ALCAM: variants seen among roughly 807,000 people sequenced by gnomAD.
The protein encoded by ALCAM is activated leukocyte cell adhesion molecule, also known as CD166 antigen.
A neutral mutation model predicts 70.9 loss-of-function variants in ALCAM; 30 were observed. The ratio of observed to expected loss-of-function variants is 0.42; its 90% CI spans 0.32 to 0.57. The LOEUF (loss-of-function observed/expected upper bound fraction) is 0.57, where lower values mean the gene tolerates loss of function less well. Among genes scored for constraint, ALCAM ranks in the 20% least tolerant of loss-of-function variants. The pLI is 0.11. For missense variants in ALCAM, 591 were observed against 695.1 expected, an observed-to-expected ratio of 0.85 and a Z score of 1.68; for synonymous variants, 249 against 242.5, an observed-to-expected ratio of 1.03 and a Z score of -0.25.
rs1404709106 is a variant in ALCAM at position 105,541,675 on chromosome 3, A to T, written c.901A>T (p.Thr301Ser). The change falls in exon 8 of 16, where the codon ACG becomes TCG. Residue 301 changes from threonine to serine, a missense_variant. By Grantham distance (58) the Thr-to-Ser change is moderately conservative. Around this residue, in one of 2 missense-constraint regions of ALCAM, gnomAD observed 427 missense variants for 450.4 expected, o/e 0.95. Transcript: ENST00000306107. ...GIRSSNTYTL[T>S]DVRRNATGDY... ...AAGAAGCTCAAATACTTACACACTG[A>T]CGGATGTGAGGCGCAATGCAACAGG... 12 of 1,612,042 alleles carry T rather than the reference A, an allele frequency of 7.4e-6. No homozygotes were observed. The highest frequency in any genetic ancestry group is 2.7e-5 in the African/African-American group (2 of 74,748).
intron 1 of ALCAM, among the ~76,000 whole-genome samples, chr3:105,389,685 T>C (rs964654037): frequency 6.6e-6 from 1 of 151,496 alleles, no homozygotes; most frequent in South Asian, 2.1e-4. Flanking sequence ...CAACACATCA[T>C]CTAGGTATTA....
intron 1 of ALCAM, among the ~76,000 whole-genome samples, chr3:105,466,789 G>T (rs942299662): frequency 6.6e-6 from 1 of 151,332 alleles, no homozygotes; most frequent in Non-Finnish European, 1.5e-5. Context: ...AGCTTCTAAT[G>T]CTAGAAGCCT....
chr3:105,518,597 T>C (rs1939444476), intron 1 of ALCAM, among the ~76,000 whole-genome samples: 1 of 151,996 alleles, frequency 6.6e-6, no homozygotes, highest in Admixed American at 6.6e-5. Context: ...TCATTTACAG[T>C]CTTATGCTTG....
intron 1 of ALCAM, among the ~76,000 whole-genome samples, chr3:105,493,599 A>T (rs554950908): frequency 4.6e-5 from 7 of 152,306 alleles, no homozygotes; most frequent in Admixed American, 4.6e-4. Context: ...TTTTGAAAAA[A>T]AAAGGCAGAA....
At chr3:105,442,960 G>T (rs183344042) in intron 1 of ALCAM, among the ~76,000 whole-genome samples, 3 of 152,230 alleles carry the variant, frequency 2.0e-5, no homozygotes, top group Non-Finnish European at 4.4e-5. Context: ...CCCCTGAGTA[G>T]CTTGGACTAC....
chr3:105,545,472 A>G (rs1940223894), intron 9 of ALCAM, 137 bp downstream of exon 9: 2 of 577,596 alleles, frequency 3.5e-6, no homozygotes, highest in South Asian at 2.0e-5. Context: ...TCTGTTTCTG[A>G]TAAGAGAAAT....
In ALCAM at chr3:105,506,757, T is replaced by C. The variant is rs556225355; in HGVS notation, c.74-13310T>C. Reference sequence around the variant, plus strand: ...ACAAATTATCAAAGCCATTGTCTCTTTTAAAATGGAAAGATGAACCAAATG... The same window carrying C: ...ACAAATTATCAAAGCCATTGTCTCTCTTAAAATGGAAAGATGAACCAAATG... On this transcript the variant is annotated intron_variant, in intron 1 of 15. Coordinates refer to ENST00000306107, the MANE Select transcript of ALCAM (RefSeq NM_001627.4). Among the ~76,000 whole-genome samples, 9 of 152,350 alleles carry C rather than the reference T, an allele frequency of 5.9e-5. No homozygotes were observed. In the East Asian group the frequency reaches 1.7e-3, roughly 29 times the overall value.
chr3:105,423,044 G>C (rs960211002), intron 1 of ALCAM, among the ~76,000 whole-genome samples: 15 of 151,440 alleles, frequency 9.9e-5, no homozygotes, highest in Non-Finnish European at 2.1e-4. Flanking sequence ...GAAAGAAACA[G>C]CTGGTCACAA....
At chr3:105,389,454 A>C (rs1440508621) in intron 1 of ALCAM, among the ~76,000 whole-genome samples, 1 of 141,324 alleles carries the variant, frequency 7.1e-6, no homozygotes, top group Non-Finnish European at 1.5e-5. Context: ...AGGCCTGCGA[A>C]TATGAGATAG....
At chr3:105,446,025 C>T (rs1937284846) in intron 1 of ALCAM, among the ~76,000 whole-genome samples, 1 of 152,084 alleles carries the variant, frequency 6.6e-6, no homozygotes, top group African/African-American at 2.4e-5. Flanking sequence ...AGGAAACACT[C>T]TAAAGAGTGA....
At chr3:105,544,372 C>A (rs1342917711) in intron 8 of ALCAM, among the ~76,000 whole-genome samples, 5 of 150,086 alleles carry the variant, frequency 3.3e-5, no homozygotes, top group African/African-American at 1.3e-4. Context: ...GCCTTTATTA[C>A]TGCTTTGAAA....
intron 3 of ALCAM, among the ~76,000 whole-genome samples, chr3:105,527,518 G>A (rs940465608): frequency 3.3e-5 from 5 of 151,904 alleles, no homozygotes; most frequent in Non-Finnish European, 7.4e-5. Context: ...GTTGAGGAAG[G>A]TAAGGAGCTA....
intron 7 of ALCAM, among the ~76,000 whole-genome samples, chr3:105,541,289 A>C (rs2152629205): frequency 6.6e-6 from 1 of 150,642 alleles, no homozygotes; most frequent in East Asian, 2.0e-4. Context: ...TTTCCTTTTA[A>C]GCTGCCTCAA....
intron 1 of ALCAM, among the ~76,000 whole-genome samples, chr3:105,469,044 T>C (rs560172614): frequency 6.6e-6 from 1 of 151,392 alleles, no homozygotes; most frequent in African/African-American, 2.4e-5. Flanking sequence ...TTTCTTTTGA[T>C]TGGTCATTAT....
rs564799848 is a variant in ALCAM at position 105,563,411 on chromosome 3, T to G, written c.1665-8441T>G. 8.2e-4 allele frequency among the ~76,000 whole-genome samples: 124 copies of G among 151,820 alleles called. 1 individual carries two copies. Among genetic ancestry groups the G allele is most frequent in the Non-Finnish European group, 1.5e-3 (101 of 67,920 alleles). On this transcript the variant is annotated intron_variant, in intron 14 of 15. Coordinates refer to ENST00000306107, the MANE Select transcript of ALCAM (RefSeq NM_001627.4). ...TTGCTTATTTTTTATGATTTTGCTC[T>G]TATCATTACTACTTTTTTCTTTACA...
At chr3:105,495,792 A>C (rs544072112) in intron 1 of ALCAM, among the ~76,000 whole-genome samples, 45 of 152,216 alleles carry the variant, frequency 3.0e-4, no homozygotes, top group Non-Finnish European at 5.7e-4. Flanking sequence ...TAAAAAGTAA[A>C]AGAAAAGTTA....
At position 105,452,019 on chromosome 3, in the gene ALCAM, T is replaced by C. The variant is rs559814852; in HGVS notation, c.74-68048T>C. Among the ~76,000 whole-genome samples, 21 of 152,272 alleles carry C rather than the reference T, an allele frequency of 1.4e-4. No homozygotes were observed. The South Asian group carries it at 3.3e-3, about 24-fold the overall frequency. On this transcript the variant is annotated intron_variant, in intron 1 of 15. Transcript: ENST00000306107. Reference sequence around the variant, plus strand: ...CTCTGGTTTGTGGCTTTACTCATATTCTCAATTTTACCTTCACAGTTTCTT... The same window carrying C: ...CTCTGGTTTGTGGCTTTACTCATATCCTCAATTTTACCTTCACAGTTTCTT...
chr3:105,483,000 G>C (rs906935914), intron 1 of ALCAM, among the ~76,000 whole-genome samples: 2 of 152,032 alleles, frequency 1.3e-5, no homozygotes, highest in Non-Finnish European at 2.9e-5. Flanking sequence ...TTTCCCCCCT[G>C]ATTCTCAATC....
chr3:105,570,030 A>T (rs953981068), intron 14 of ALCAM, among the ~76,000 whole-genome samples: 1 of 152,164 alleles, frequency 6.6e-6, no homozygotes, highest in Non-Finnish European at 1.5e-5. Flanking sequence ...TAGCCTAACA[A>T]AGGAAAGGGG....
Sources: allele counts gnomAD v4.1 joint callset (sites outside exome capture counted in the v4.1 genomes callset), GRCh38; gene constraint gnomAD v4.1.1; regional missense constraint gnomAD v4.1.1; transcripts MANE v1.5; gene names NCBI Gene and HGNC (gene_info 2026-07-23, HGNC 2026-07-21).